The following IL15 variants were observed in gnomAD, a reference collection of about 807,000 sequenced individuals.
IL15 encodes interleukin-15.
Under a neutral mutation model 19.6 loss-of-function variants are expected in IL15, and 11 were observed. The observed-to-expected ratio is 0.56, with a 90% confidence interval of 0.35 to 0.93. The LOEUF (loss-of-function observed/expected upper bound fraction) is 0.93. Ranked by LOEUF, IL15 falls within the 40% of genes least tolerant of loss-of-function variation. IL15 has a pLI of 0.01. For synonymous variants in IL15, 58 were observed against 59.6 expected (o/e 0.97, Z 0.12); for missense variants, 197 against 186.5 (o/e 1.06, Z -0.33).
At chr4:141,693,463 A>T (rs1175125149) in intron 2 of IL15, among the ~76,000 whole-genome samples, 1 of 152,210 alleles carries the variant, frequency 6.6e-6, no homozygotes, top group Non-Finnish European at 1.5e-5. Flanking sequence ...CACATACGGG[A>T]TATTCAGTAA....
chr4:141,693,016 C>CAAAAAAAAAAAAAAACAAAAAAAA (rs1728969198), intron 2 of IL15, among the ~76,000 whole-genome samples: 1 of 23,232 alleles, frequency 4.3e-5, no homozygotes, highest in Non-Finnish European at 7.7e-5. Context: ...GACTCCGTCT[C>CAAAAAAAAAAAAAAACAAAAAAAA]AAAAAAAAAA....
intron 2 of IL15, among the ~76,000 whole-genome samples, chr4:141,711,000 G>A (rs1729700265): frequency 6.6e-6 from 1 of 151,882 alleles, no homozygotes; most frequent in Non-Finnish European, 1.5e-5. Flanking sequence ...TAGTTTCCTA[G>A]CATTGCGACT....
At chr4:141,659,264 G>A (rs1195390107) in intron 2 of IL15, among the ~76,000 whole-genome samples, 3 of 151,256 alleles carry the variant, frequency 2.0e-5, no homozygotes, top group Non-Finnish European at 2.9e-5. Context: ...ATGCAATGGC[G>A]TGATCTTGGC....
intron 2 of IL15, among the ~76,000 whole-genome samples, chr4:141,672,162 T>C (rs1039059940): frequency 2.0e-5 from 3 of 152,206 alleles, no homozygotes; most frequent in Admixed American, 1.3e-4. Context: ...TTCTAACCAA[T>C]AGGTTATGAG....
intron 1 of IL15, among the ~76,000 whole-genome samples, chr4:141,643,482 C>G (rs972634897): frequency 2.6e-5 from 4 of 152,316 alleles, no homozygotes; most frequent in Admixed American, 2.0e-4. Flanking sequence ...ACGAACATCC[C>G]TTTTATTAAA....
chr4:141,644,935 T>C lies in IL15; in HGVS notation c.-222+8187T>C, dbSNP rs189372238. ...TAAATTTGTTCCCTAGGAGTGATCC[T>C]CTGTGGCTCTTAACTTCATCTTTTG... On this transcript the variant is annotated intron_variant, in intron 1 of 7. Coordinates refer to ENST00000320650, the MANE Select transcript of IL15 (RefSeq NM_000585.5). Among the ~76,000 whole-genome samples the C allele has an allele frequency of 2.0e-5, 3 of 152,288 alleles. No homozygotes were observed. In the East Asian group the frequency reaches 5.8e-4, roughly 29 times the overall value.
chr4:141,671,950 A>G (rs1345006585), intron 2 of IL15, among the ~76,000 whole-genome samples: 1 of 152,130 alleles, frequency 6.6e-6, no homozygotes, highest in Non-Finnish European at 1.5e-5. Context: ...ACATATACAC[A>G]TGGCAGGTTT....
chr4:141,703,593 C>T (rs1012765493), intron 2 of IL15, among the ~76,000 whole-genome samples: 4 of 151,936 alleles, frequency 2.6e-5, no homozygotes, highest in African/African-American at 4.8e-5. Context: ...AGAATCTCCC[C>T]GTCTCATACT....
intron 2 of IL15, among the ~76,000 whole-genome samples, chr4:141,706,551 G>C (rs1297220096): frequency 6.6e-6 from 1 of 152,022 alleles, no homozygotes; most frequent in African/African-American, 2.4e-5. Context: ...TAGTAATAAT[G>C]AGCCTTTCAT....
chr4:141,714,059 A>C (rs779219003), intron 2 of IL15, among the ~76,000 whole-genome samples: 21 of 151,954 alleles, frequency 1.4e-4, no homozygotes, highest in Non-Finnish European at 2.9e-5. Flanking sequence ...CTAAATGGCT[A>C]TTTTGTGTGT....
chr4:141,655,018 C>T (rs1247498245), intron 1 of IL15, among the ~76,000 whole-genome samples: 2 of 152,116 alleles, frequency 1.3e-5, no homozygotes, highest in Non-Finnish European at 2.9e-5. Flanking sequence ...GCTCAGGAAG[C>T]AAACAGGTAT....
At chr4:141,638,731 C>A (rs1163135015) in intron 1 of IL15, among the ~76,000 whole-genome samples, 2 of 152,202 alleles carry the variant, frequency 1.3e-5, no homozygotes, top group Admixed American at 1.3e-4. Context: ...ACGGGATACT[C>A]CATCTCAGAT....
chr4:141,702,014 C>G (rs1234779037), intron 2 of IL15, among the ~76,000 whole-genome samples: 2 of 152,206 alleles, frequency 1.3e-5, no homozygotes, highest in Admixed American at 1.3e-4. Flanking sequence ...ACACTGCATT[C>G]TTGTGATAGA....
intron 6 of IL15, among the ~76,000 whole-genome samples, chr4:141,729,573 G>A (rs1389606836): frequency 6.6e-6 from 1 of 151,980 alleles, no homozygotes; most frequent in Non-Finnish European, 1.5e-5. Context: ...AAATGTGCTC[G>A]GTGAGAAAAA....
At chr4:141,689,301 ACC>A (rs1728827569) in intron 2 of IL15, among the ~76,000 whole-genome samples, 1 of 152,134 alleles carries the variant, frequency 6.6e-6, no homozygotes, top group African/African-American at 2.4e-5. Context: ...ATCTGGCCCC[ACC>A]CACATCCTGC....
intron 2 of IL15, among the ~76,000 whole-genome samples, chr4:141,705,715 T>C (rs1304765175): frequency 6.6e-6 from 1 of 152,078 alleles, no homozygotes; most frequent in African/African-American, 2.4e-5. Context: ...CTGTTTCTCC[T>C]GTTAGGTCTA....
intron 2 of IL15, chr4:141,704,608 GA>G: frequency 2.6e-6 from 1 of 390,314 alleles, no homozygotes; most frequent in Non-Finnish European, 5.2e-6. Context: ...TCAGTAGTTT[GA>G]GGAGAATTGG....
At chr4:141,664,746 G>A (rs1024964943) in intron 2 of IL15, among the ~76,000 whole-genome samples, 1 of 152,138 alleles carries the variant, frequency 6.6e-6, no homozygotes, top group Non-Finnish European at 1.5e-5. Flanking sequence ...AATAGAAATG[G>A]TTGCCTACAG....
intron 1 of IL15, among the ~76,000 whole-genome samples, chr4:141,641,757 G>A (rs894292285): frequency 1.3e-5 from 2 of 151,036 alleles, no homozygotes; most frequent in Non-Finnish European, 2.9e-5. Context: ...GAGTTAATGG[G>A]TGCAGCACAC....
Sources: gnomAD v4.1 joint callset for allele counts (sites outside exome capture counted in the v4.1 genomes callset) on GRCh38, gnomAD v4.1.1 for gene constraint, MANE v1.5 for transcripts, NCBI Gene and HGNC (gene_info 2026-07-23, HGNC 2026-07-21) for gene names.